SDC4: variants seen among roughly 807,000 people sequenced by gnomAD.
SDC4 encodes the protein syndecan 4, also known as syndecan-4.
In SDC4, 17 loss-of-function variants were observed where a neutral mutation model predicts 20.5. The observed-to-expected ratio is 0.83, with a 90% CI of 0.57 to 1.25. The LOEUF (loss-of-function observed/expected upper bound fraction) is 1.25, where lower values mean the gene tolerates loss of function less well. Among genes scored for constraint, SDC4 ranks in the 50% most tolerant of loss-of-function variants. SDC4 has a pLI of 0.00. For missense variants in SDC4, 241 were observed against 252.3 expected (o/e 0.96, Z 0.30); for synonymous variants, 107 against 105.3 (o/e 1.02, Z -0.10).
chr20:45,342,628 C>A (rs1391361554), intron 1 of SDC4, among the ~76,000 whole-genome samples: 1 of 150,756 alleles, frequency 6.6e-6, no homozygotes. Context: ...GGGTGGGGGC[C>A]GCTGAATAGG....
chr20:45,340,380 TG>T (rs1233700854), intron 1 of SDC4, among the ~76,000 whole-genome samples: 3 of 152,208 alleles, frequency 2.0e-5, no homozygotes, highest in Non-Finnish European at 2.9e-5. Flanking sequence ...TCCAACGTCA[TG>T]CAACTAGAAA....
chr20:45,335,074 A>G (rs979884784), intron 2 of SDC4, among the ~76,000 whole-genome samples: 2 of 151,692 alleles, frequency 1.3e-5, no homozygotes, highest in Non-Finnish European at 2.9e-5. Context: ...TGGGCCCTTC[A>G]CCCGCCCCCA....
chr20:45,336,053 ATCCCACTCTACC>A, intron 1 of SDC4, 133 bp from the exon 2 acceptor site: 1 of 859,440 alleles, frequency 1.2e-6, no homozygotes. Context: ...TGCGTCCTGG[ATCCCACTCTACC>A]TCTAACTCAC....
At chr20:45,332,918 AGACCCCTCACTT>A (rs1415444725) in intron 3 of SDC4, 93 bp downstream of exon 3, 1 of 1,090,332 alleles carries the variant, frequency 9.2e-7, no homozygotes, top group East Asian at 2.4e-5. Context: ...TAGTGGGGTA[AGACCCCTCACTT>A]ATTCTGCCTA....
rs2229511 is a variant in SDC4 at position 45,327,270 on chromosome 20, G to A, written c.591C>T (p.Tyr197=). The change falls in exon 5 of 5, where the codon TAC becomes TAT. Residue 197 remains tyrosine (Y), a synonymous_variant. Coordinates refer to ENST00000372733, the MANE Select transcript of SDC4 (RefSeq NM_002999.4). ...IYKKAPTNEF[Y]A is the part of the protein sequence containing the mutation. ...CAGTGCCCACAAGCAAGCTTCACGC[G>A]TAGAACTCATTGGTGGGGGCTTTCT... is the stretch of plus-strand genomic sequence containing the variant. 3,774 of 1,614,174 alleles carry A rather than the reference G, an allele frequency of 2.3e-3. 49 individuals carry two copies. In the East Asian group the frequency reaches 0.048, roughly 20 times the overall value.
intron 4 of SDC4, among the ~76,000 whole-genome samples, chr20:45,327,767 C>T (rs1468793345): frequency 6.6e-6 from 1 of 152,232 alleles, no homozygotes; most frequent in Non-Finnish European, 1.5e-5. Flanking sequence ...CCTCAGCCTC[C>T]TGAGTAGCTG....
chr20:45,330,545 A>C lies in SDC4; in HGVS notation c.266T>G (p.Ile89Ser). The C allele has an allele frequency of 1.2e-6, 2 of 1,614,036 alleles. No individual in the cohort carries two copies. The highest frequency in any genetic ancestry group is 1.7e-6 in the Non-Finnish European group (2 of 1,180,008). Reference protein sequence around the residue: ...VHPLVPLDNHIPERAGSGSQV... With the variant: ...VHPLVPLDNHSPERAGSGSQV... ...GCTCCCAGACCCTGCCCTCTCAGGG[A>C]TATGGTTATCTAGAGGCACCTGGAT... Residue 89 changes from isoleucine (I) to serine (S), a missense_variant, in exon 4 of 5, where the codon ATC becomes AGC. Coordinates refer to ENST00000372733, the MANE Select transcript of SDC4 (RefSeq NM_002999.4).
chr20:45,338,850 G>A (rs149399246), intron 1 of SDC4, among the ~76,000 whole-genome samples: 224 of 152,270 alleles, frequency 1.5e-3, no homozygotes, highest in African/African-American at 5.1e-3. Context: ...GCCTGGATTC[G>A]ATCCTATTTC....
intron 1 of SDC4, among the ~76,000 whole-genome samples, chr20:45,337,373 G>A (rs111676462): frequency 1.4e-3 from 210 of 152,228 alleles, no homozygotes; most frequent in African/African-American, 4.9e-3. Flanking sequence ...TTCTCCAGAC[G>A]CCATAACTGC....
intron 3 of SDC4, among the ~76,000 whole-genome samples, chr20:45,331,111 C>G (rs550916952): frequency 3.3e-5 from 5 of 152,144 alleles, no homozygotes; most frequent in Non-Finnish European, 7.4e-5. Flanking sequence ...GGATCGGGAC[C>G]CCTTTCTGGT....
At chr20:45,329,366 G>A (rs1025545946) in intron 4 of SDC4, among the ~76,000 whole-genome samples, 12 of 152,208 alleles carry the variant, frequency 7.9e-5, no homozygotes, top group African/African-American at 2.9e-4. Context: ...TTCTTTAGAA[G>A]CAATAGCACC....
In SDC4 at chr20:45,334,071, T is replaced by G. The variant is rs189630344; in HGVS notation, c.200-1002A>C. ...GTACCGTGGTGCCATCTCGGCTCAC[T>G]GCAACCTCTGCCTCCTGGGTTCAAG... On this transcript the variant is annotated intron_variant, in intron 2 of 4. Coordinates refer to ENST00000372733, the MANE Select transcript of SDC4 (RefSeq NM_002999.4). 6.8e-3 allele frequency among the ~76,000 whole-genome samples: 1,036 copies of G among 152,092 alleles called. 9 individuals carry two copies. The highest frequency in any genetic ancestry group is 0.033 in the South Asian group (161 of 4,820).
At chr20:45,332,792 T>C (rs977544400) in intron 3 of SDC4, among the ~76,000 whole-genome samples, 2 of 151,374 alleles carry the variant, frequency 1.3e-5, no homozygotes, top group African/African-American at 2.4e-5. Context: ...ACAGGTTTCA[T>C]CGTGTTGCCC....
chr20:45,330,485 T>C lies in SDC4; in HGVS notation c.326A>G (p.Asn109Ser), dbSNP rs1421445761. ...VPTEPKKLEE[N>S]EVIPKRISPV... The stretch of plus-strand genomic sequence containing the variant: ...TGAGATTCTCTTGGGGATAACCTCA[T>C]TCTCCTCTAGTTTCTTGGGTTCGGT... The change falls in exon 4 of 5, where the codon AAT becomes AGT. Residue 109 changes from asparagine (N) to serine (S), a missense_variant. Asn to Ser is a conservative substitution (Grantham distance 46). Transcript: ENST00000372733. The C allele has an allele frequency of 6.2e-7, 1 of 1,614,210 alleles. No homozygotes were observed.
intron 1 of SDC4, among the ~76,000 whole-genome samples, chr20:45,338,296 C>T (rs570819379): frequency 1.3e-5 from 2 of 152,372 alleles, no homozygotes; most frequent in East Asian, 3.9e-4. Context: ...AACACATAAA[C>T]ACACGCATGA....
At chr20:45,347,084 T>C (rs188315989) in intron 1 of SDC4, among the ~76,000 whole-genome samples, 4 of 152,286 alleles carry the variant, frequency 2.6e-5, no homozygotes, top group Admixed American at 2.6e-4. Flanking sequence ...ATTAGAGCAA[T>C]GTCTGGCCCC....
intron 1 of SDC4, among the ~76,000 whole-genome samples, chr20:45,340,893 T>G (rs1987944195): frequency 6.6e-6 from 1 of 152,184 alleles, no homozygotes; most frequent in African/African-American, 2.4e-5. Flanking sequence ...ACCCACTTCT[T>G]AAGGGCCAGA....
intron 2 of SDC4, among the ~76,000 whole-genome samples, chr20:45,334,322 C>G (rs1400026770): frequency 6.6e-6 from 1 of 151,230 alleles, no homozygotes; most frequent in African/African-American, 2.4e-5. Flanking sequence ...ACAAGATCCC[C>G]AGGGAATTAA....
chr20:45,337,390 T>G (rs1987887841), intron 1 of SDC4, among the ~76,000 whole-genome samples: 1 of 152,188 alleles, frequency 6.6e-6, no homozygotes, highest in Non-Finnish European at 1.5e-5. Context: ...CTGCAGGAGC[T>G]GGGGGTCTGC....
Sources: gnomAD v4.1 joint callset for allele counts (sites outside exome capture counted in the v4.1 genomes callset) on GRCh38, gnomAD v4.1.1 for gene constraint, MANE v1.5 for transcripts, NCBI Gene and HGNC (gene_info 2026-07-23, HGNC 2026-07-21) for gene names.